Variants in TMTC1 observed in about 807,000 individuals in gnomAD.
TMTC1 encodes the protein protein O-mannosyl-transferase TMTC1.
Under a neutral mutation model 104.8 loss-of-function variants are expected in TMTC1, and 73 were observed. The observed-to-expected ratio is 0.70, with a 90% CI of 0.58 to 0.85. The LOEUF is 0.85. TMTC1 is among the 40% of genes least tolerant of loss of function. The pLI is 0.00. For synonymous variants in TMTC1, 434 were observed against 428.7 expected (o/e 1.01, Z -0.15); for missense variants, 1,035 against 1,096.1 (o/e 0.94, Z 0.79).
At chr12:29,726,912 G>A (rs1942408109) in intron 5 of TMTC1, among the ~76,000 whole-genome samples, 2 of 152,204 alleles carry the variant, frequency 1.3e-5, no homozygotes, top group Admixed American at 6.5e-5. Flanking sequence ...ATGTAGTTAA[G>A]AGATAATGAA....
chr12:29,780,688 GA>G (rs1943815839), intron 1 of TMTC1, among the ~76,000 whole-genome samples: 1 of 152,114 alleles, frequency 6.6e-6, no homozygotes, highest in Non-Finnish European at 1.5e-5. Flanking sequence ...TAAAATGGGT[GA>G]AATCTGACTA....
intron 5 of TMTC1, among the ~76,000 whole-genome samples, chr12:29,677,044 G>T (rs887802847): frequency 6.6e-6 from 1 of 152,156 alleles, no homozygotes; most frequent in Non-Finnish European, 1.5e-5. Flanking sequence ...GTACTGACAG[G>T]CACACAGATA....
intron 6 of TMTC1, chr12:29,609,706 T>G (rs1389005953): frequency 6.6e-6 from 1 of 152,318 alleles, no homozygotes; most frequent in African/African-American, 2.4e-5. Flanking sequence ...AAGACCAGCA[T>G]GGCCCATGCA....
At chr12:29,582,608 C>G (rs1946012503) in intron 8 of TMTC1, among the ~76,000 whole-genome samples, 1 of 152,210 alleles carries the variant, frequency 6.6e-6, no homozygotes, top group African/African-American at 2.4e-5. Context: ...TTCTTCACTT[C>G]CCTTAATTCT....
chr12:29,507,050 A>G, intron 17 of TMTC1, 64 bp from the exon 18 acceptor site: 2 of 1,417,682 alleles, frequency 1.4e-6, no homozygotes, highest in Non-Finnish European at 2.0e-6. Flanking sequence ...CAGAGAATGA[A>G]GAGACTAAGA....
chr12:29,742,834 T>A (rs1942862282), intron 5 of TMTC1, among the ~76,000 whole-genome samples: 1 of 152,202 alleles, frequency 6.6e-6, no homozygotes, highest in African/African-American at 2.4e-5. Flanking sequence ...TTTTCTCTTA[T>A]CATCTATTTC....
intron 2 of TMTC1, among the ~76,000 whole-genome samples, chr12:29,765,389 G>A (rs937711005): frequency 2.0e-5 from 3 of 151,852 alleles, no homozygotes; most frequent in African/African-American, 7.3e-5. Flanking sequence ...ACATGAATAG[G>A]CTCTTCTTTA....
At chr12:29,538,399 A>T (rs1944703609) in intron 10 of TMTC1, among the ~76,000 whole-genome samples, 1 of 152,164 alleles carries the variant, frequency 6.6e-6, no homozygotes, top group Admixed American at 6.5e-5. Context: ...TTCCTCCAAA[A>T]ATGCATAAAT....
chr12:29,566,509 C>T (rs10843445), intron 9 of TMTC1, among the ~76,000 whole-genome samples: 81,296 of 151,974 alleles, frequency 0.53, 24,853 homozygotes, highest in Non-Finnish European at 0.67. Flanking sequence ...CCACCCATCT[C>T]GACCTCCACA....
intron 16 of TMTC1, among the ~76,000 whole-genome samples, 167 bp from the exon 17 acceptor site, chr12:29,512,287 G>T (rs1943861898): frequency 1.3e-5 from 2 of 152,184 alleles, no homozygotes; most frequent in Admixed American, 6.5e-5. Context: ...CAAAGTTGAT[G>T]ATTCTAAAGT....
At position 29,760,546 on chromosome 12, in the gene TMTC1, T is replaced by C. The variant is rs1943320081; in HGVS notation, c.481-1769A>G. Among the ~76,000 whole-genome samples, 3 of 152,204 alleles carry C rather than the reference T, an allele frequency of 2.0e-5. 1 individual carries two copies. The highest frequency in any genetic ancestry group is 2.0e-4 in the Admixed American group (3 of 15,280). ...AAAAGAACACTATGGAAAAAATGCA[T>C]TATATTGCACTACGTCTTAACTGTG... On this transcript the variant is annotated intron_variant, in intron 2 of 17. Transcript: ENST00000539277.
At position 29,553,829 on chromosome 12, in the gene TMTC1, T is replaced by C. The variant is rs530608864; in HGVS notation, c.1676+3028A>G. Reference sequence around the variant, plus strand: ...AAATTGAAAAAGGAAAGTTAGAGCATCCATCTTTTGCTCAGGTCTTAGCAA... The same window carrying C: ...AAATTGAAAAAGGAAAGTTAGAGCACCCATCTTTTGCTCAGGTCTTAGCAA... On this transcript the variant is annotated intron_variant, in intron 10 of 17. Transcript: ENST00000539277. 6.2e-4 allele frequency among the ~76,000 whole-genome samples: 95 copies of C among 152,320 alleles called. 1 individual carries two copies. Among genetic ancestry groups the C allele is most frequent in the South Asian group, 2.3e-3 (11 of 4,828 alleles).
At position 29,504,026 on chromosome 12, in the gene TMTC1, G is replaced by T; in HGVS notation, c.*2820C>A. 1 of 152,292 alleles carries T rather than the reference G, an allele frequency of 6.6e-6. No homozygotes were observed. Among genetic ancestry groups the T allele is most frequent in the Non-Finnish European group, 1.5e-5 (1 of 68,074 alleles). The allele number at this position is 152,292 out of a possible 1,614,324, so 9.4% of individuals were successfully genotyped here. On this transcript the variant is annotated 3_prime_UTR_variant, in exon 18 of 18. Transcript: ENST00000539277. The stretch of plus-strand genomic sequence containing the variant: ...TTCAGCCAGGGAGGTCGAGGCTACA[G>T]TGAGCCATGTTTGTGCCACTGAACT...
intron 5 of TMTC1, among the ~76,000 whole-genome samples, chr12:29,641,446 A>G (rs187734604): frequency 2.6e-5 from 4 of 152,326 alleles, no homozygotes; most frequent in Non-Finnish European, 4.4e-5. Flanking sequence ...GTACTAGCCC[A>G]GAGCCCAGTA....
rs144779664 is a variant in TMTC1 at position 29,520,063 on chromosome 12, T to C, written c.1888+555A>G. On this transcript the variant is annotated intron_variant, in intron 12 of 17. Transcript: ENST00000539277. ...CAGTACAGAGGCACTACATAAGTCA[T>C]AAAGAAAAGAGAATTCATGCCCAGT... Among the ~76,000 whole-genome samples, 9 of 152,302 alleles carry C rather than the reference T, an allele frequency of 5.9e-5. 1 individual carries two copies. The East Asian group carries it at 1.7e-3, about 29-fold the overall frequency.
chr12:29,649,934 C>T (rs866638116), intron 5 of TMTC1, among the ~76,000 whole-genome samples: 2 of 152,188 alleles, frequency 1.3e-5, no homozygotes, highest in Non-Finnish European at 1.5e-5. Flanking sequence ...ATTTTTGTAT[C>T]AGGCTCTGAG....
At chr12:29,774,428 AT>A (rs1469475066) in intron 1 of TMTC1, among the ~76,000 whole-genome samples, 2 of 152,208 alleles carry the variant, frequency 1.3e-5, no homozygotes, top group East Asian at 3.9e-4. Flanking sequence ...AATAGAGTAC[AT>A]TCTTTTCCAA....
At chr12:29,617,305 GA>G (rs1163804375) in intron 6 of TMTC1, among the ~76,000 whole-genome samples, 1 of 151,908 alleles carries the variant, frequency 6.6e-6, no homozygotes, top group Admixed American at 6.6e-5. Context: ...AAGCACTCTT[GA>G]AAAATTTCCC....
At chr12:29,766,931 A>T (rs1216405065) in intron 2 of TMTC1, among the ~76,000 whole-genome samples, 1 of 150,446 alleles carries the variant, frequency 6.6e-6, no homozygotes, top group Non-Finnish European at 1.5e-5. Context: ...TAAATATTTT[A>T]AAAAGGGCCA....
Sources: gnomAD v4.1 joint callset for allele counts (sites outside exome capture counted in the v4.1 genomes callset) on GRCh38, gnomAD v4.1.1 for gene constraint, MANE v1.5 for transcripts, NCBI Gene and HGNC (gene_info 2026-07-23, HGNC 2026-07-21) for gene names.